Variants in PCM1 observed in about 807,000 individuals in gnomAD.
The protein encoded by PCM1 is pericentriolar material 1, also known as pericentriolar material 1 protein.
In PCM1, 157 loss-of-function variants were observed where a neutral mutation model predicts 241.9. The observed-to-expected ratio is 0.65, with a 90% CI of 0.57 to 0.74. The LOEUF (loss-of-function observed/expected upper bound fraction) is 0.74, where lower values mean the gene tolerates loss of function less well. Among genes scored for constraint, PCM1 ranks in the 30% least tolerant of loss-of-function variants. The pLI is 0.00. For synonymous variants in PCM1, 1,085 were observed against 784.9 expected, an observed-to-expected ratio of 1.38 and a Z score of -6.39; for missense variants, 3,478 against 2,360.1, an observed-to-expected ratio of 1.47 and a Z score of -9.81.
In PCM1 at chr8:17,946,289, T is replaced by C. The variant is rs560469196; in HGVS notation, c.784-897T>C. Among the ~76,000 whole-genome samples, 26 of 152,252 alleles carry C rather than the reference T, an allele frequency of 1.7e-4. No homozygotes were observed. The South Asian group carries it at 4.1e-3, about 24-fold the overall frequency. ...GAATGAGCATAATTTAAGAGGAAAA[T>C]AATGATGCCTTTGATGACGAATATA... On this transcript the variant is annotated intron_variant, in intron 6 of 38. Coordinates refer to ENST00000325083, the MANE Select transcript of PCM1 (RefSeq NM_006197.4).
intron 23 of PCM1, among the ~76,000 whole-genome samples, chr8:17,975,956 A>G (rs537285773): frequency 6.6e-6 from 1 of 152,258 alleles, no homozygotes; most frequent in South Asian, 2.1e-4. Flanking sequence ...ATTTGTTTAC[A>G]CTATACTCTT....
chr8:17,934,902 A>G (rs1213247919), intron 2 of PCM1: 1 of 152,206 alleles, frequency 6.6e-6, no homozygotes, highest in Non-Finnish European at 1.5e-5. Context: ...TGTACAAGCA[A>G]AAACCCCATT....
intron 26 of PCM1, among the ~76,000 whole-genome samples, chr8:17,986,796 C>G (rs1206993746): frequency 6.6e-6 from 1 of 151,744 alleles, no homozygotes; most frequent in Non-Finnish European, 1.5e-5. Flanking sequence ...CAAATACATT[C>G]CTTTTTTTAT....
chr8:17,966,834 T>C, intron 20 of PCM1, 146 bp from the exon 21 acceptor site: 1 of 720,364 alleles, frequency 1.4e-6, no homozygotes, highest in Non-Finnish European at 2.3e-6. Flanking sequence ...AATTAAGCCT[T>C]ATAGAGCAAG....
At chr8:17,965,877 T>A (rs914509323) in intron 18 of PCM1, 122 bp from the exon 19 acceptor site, 3 of 637,590 alleles carry the variant, frequency 4.7e-6, no homozygotes, top group African/African-American at 3.7e-5. Flanking sequence ...TTTAATACTT[T>A]GTATGTTCTT....
chr8:17,962,222 C>G, intron 16 of PCM1, 48 bp downstream of exon 16: 1 of 1,409,568 alleles, frequency 7.1e-7, no homozygotes, highest in Non-Finnish European at 9.6e-7. Context: ...TTTTGTTTTC[C>G]TTTTTTTTTC....
intron 38 of PCM1, among the ~76,000 whole-genome samples, chr8:18,027,399 A>ATAGT (rs2129490789): frequency 6.6e-6 from 1 of 152,204 alleles, no homozygotes; most frequent in African/African-American, 2.4e-5. Flanking sequence ...TTTTCTTTTC[A>ATAGT]TAGTGGAGTG....
intron 21 of PCM1, among the ~76,000 whole-genome samples, chr8:17,968,366 A>G (rs1396134078): frequency 6.6e-6 from 1 of 152,160 alleles, no homozygotes; most frequent in Admixed American, 6.5e-5. Context: ...GAAAGATTAC[A>G]CTGGTGAAAG....
At chr8:17,985,181 T>C (rs927384789) in intron 24 of PCM1, among the ~76,000 whole-genome samples, 1 of 151,868 alleles carries the variant, frequency 6.6e-6, no homozygotes, top group Non-Finnish European at 1.5e-5. Context: ...TTTTATATGA[T>C]CAGAAATAAA....
chr8:17,999,839 T>C (rs13266666), intron 29 of PCM1, among the ~76,000 whole-genome samples: 17,554 of 150,736 alleles, frequency 0.12, 1,251 homozygotes, highest in East Asian at 0.38. Context: ...CACCCCTGCC[T>C]TTTTTTTTAA....
At position 17,980,618 on chromosome 8, in the gene PCM1, C is replaced by G. The variant is rs1398929506; in HGVS notation, c.3971C>G (p.Thr1324Arg). ...TATGAAAGTGCCAGTATGTCTAGCA[C>G]ATGTGAACCTTGCAAAAGTAGGAAC... ...IRYESASMSS[T>R]CEPCKSRNRH... The change falls in exon 24 of 39, where the codon ACA (threonine) becomes AGA (arginine). Residue 1324 changes from threonine to arginine, a missense_variant. By Grantham distance (71) the Thr-to-Arg change is moderately conservative. Transcript: ENST00000325083. The G allele has an allele frequency of 1.2e-6, 2 of 1,612,388 alleles. No homozygotes were observed. Among genetic ancestry groups the G allele is most frequent in the Non-Finnish European group, 1.7e-6 (2 of 1,179,242 alleles).
At chr8:18,023,986 G>C (rs1488493888) in intron 36 of PCM1, among the ~76,000 whole-genome samples, 5 of 152,184 alleles carry the variant, frequency 3.3e-5, no homozygotes, top group African/African-American at 4.8e-5. Flanking sequence ...CAGCCAAAAG[G>C]GGGGAATTGT....
chr8:17,929,996 G>T (rs895615134), intron 2 of PCM1, among the ~76,000 whole-genome samples: 1 of 151,964 alleles, frequency 6.6e-6, no homozygotes, highest in Admixed American at 6.5e-5. Flanking sequence ...CAAAACTGCA[G>T]ATAAGGTGGG....
chr8:18,027,163 A>G (rs932412297), intron 38 of PCM1, among the ~76,000 whole-genome samples: 14 of 152,184 alleles, frequency 9.2e-5, no homozygotes, highest in Admixed American at 8.5e-4. Flanking sequence ...GACCCTTCAG[A>G]TATCAGACCT....
At chr8:18,027,261 A>G (rs2094301980) in intron 38 of PCM1, among the ~76,000 whole-genome samples, 1 of 122,782 alleles carries the variant, frequency 8.1e-6, no homozygotes. Context: ...TTTGAACTGC[A>G]GCTTCCTCCA....
chr8:18,022,214 C>T (rs1258404186), intron 36 of PCM1, among the ~76,000 whole-genome samples: 1 of 152,144 alleles, frequency 6.6e-6, no homozygotes, highest in East Asian at 1.9e-4. Flanking sequence ...AAAGGGAAAG[C>T]CTTTCCCTAG....
chr8:17,936,586 A>C (rs2060493527), intron 3 of PCM1, among the ~76,000 whole-genome samples: 1 of 152,186 alleles, frequency 6.6e-6, no homozygotes, highest in South Asian at 2.1e-4. Context: ...ACTAAATGCT[A>C]GGTACTAATT....
chr8:18,022,832 G>A (rs2129488338), intron 36 of PCM1, among the ~76,000 whole-genome samples: 1 of 152,286 alleles, frequency 6.6e-6, no homozygotes. Context: ...GACTGAAACT[G>A]ACATTGGTTC....
intron 36 of PCM1, among the ~76,000 whole-genome samples, chr8:18,020,931 A>G (rs1277852006): frequency 6.6e-6 from 1 of 152,156 alleles, no homozygotes; most frequent in African/African-American, 2.4e-5. Flanking sequence ...TGCTGCCCTC[A>G]CAAGTAGCTC....
Sources: gnomAD v4.1 joint callset for allele counts (sites outside exome capture counted in the v4.1 genomes callset) on GRCh38, gnomAD v4.1.1 for gene constraint, MANE v1.5 for transcripts, NCBI Gene and HGNC (gene_info 2026-07-23, HGNC 2026-07-21) for gene names.